Variants in NRG3 observed in about 807,000 individuals in gnomAD.
NRG3 encodes pro-neuregulin-3, membrane-bound isoform.
A neutral mutation model predicts 66.9 loss-of-function variants in NRG3; 31 were observed. The ratio of observed to expected loss-of-function variants is 0.46; its 90% CI spans 0.35 to 0.63. The LOEUF is 0.63. NRG3 is among the 20% of genes least tolerant of loss of function. The probability of loss-of-function intolerance (pLI) is 0.00; values close to 1 mark genes in which losing one functional copy is unlikely to be tolerated. For synonymous variants in NRG3, 393 were observed against 359.4 expected (o/e 1.09, Z -1.06); for missense variants, 910 against 878.9 (o/e 1.04, Z -0.45).
At chr10:82,818,697 G>A (rs551397680) in intron 3 of NRG3, among the ~76,000 whole-genome samples, 24 of 152,082 alleles carry the variant, frequency 1.6e-4, no homozygotes, top group Admixed American at 1.0e-3. Context: ...TTCCAGGGCT[G>A]CACAGATCGA....
intron 4 of NRG3, among the ~76,000 whole-genome samples, chr10:82,939,405 T>G (rs1848371937): frequency 2.0e-5 from 3 of 152,168 alleles, no homozygotes. Flanking sequence ...AACATTATTA[T>G]AAAGTAATTA....
intron 3 of NRG3, among the ~76,000 whole-genome samples, chr10:82,748,534 C>T (rs2058733483): frequency 6.6e-6 from 1 of 150,828 alleles, no homozygotes; most frequent in Non-Finnish European, 1.5e-5. Context: ...TAGGATTGCA[C>T]AATTTTTTCA....
At chr10:82,104,712 T>TA (rs2066955230) in intron 1 of NRG3, among the ~76,000 whole-genome samples, 1 of 151,966 alleles carries the variant, frequency 6.6e-6, no homozygotes, top group Non-Finnish European at 1.5e-5. Context: ...TAGTATGTGT[T>TA]ATACGATTGC....
intron 2 of NRG3, among the ~76,000 whole-genome samples, chr10:82,428,944 A>G (rs978673661): frequency 2.0e-5 from 3 of 151,954 alleles, no homozygotes; most frequent in Non-Finnish European, 4.4e-5. Context: ...GATACATTAA[A>G]AATTTATCAT....
chr10:82,398,849 A>G (rs1342624179), intron 2 of NRG3, among the ~76,000 whole-genome samples: 1 of 152,108 alleles, frequency 6.6e-6, no homozygotes, highest in East Asian at 1.9e-4. Context: ...AGGCAGAAGG[A>G]ATCAGCTTGA....
chr10:82,383,909 C>T (rs2085798781), intron 2 of NRG3, among the ~76,000 whole-genome samples: 1 of 151,792 alleles, frequency 6.6e-6, no homozygotes, highest in Admixed American at 6.6e-5. Context: ...ATATGTTTCT[C>T]ATTCTTTTAT....
chr10:82,483,156 G>C (rs1440335601), intron 2 of NRG3, among the ~76,000 whole-genome samples: 1 of 152,194 alleles, frequency 6.6e-6, no homozygotes, highest in Non-Finnish European at 1.5e-5. Flanking sequence ...CTCCCTACTT[G>C]TCCATGCAGA....
At chr10:82,290,758 C>T (rs1280064783) in intron 1 of NRG3, among the ~76,000 whole-genome samples, 2 of 151,602 alleles carry the variant, frequency 1.3e-5, no homozygotes, top group East Asian at 2.0e-4. Flanking sequence ...CTCAGCCTCC[C>T]GAGTAGCTGG....
chr10:82,551,246 T>C (rs1252253951), intron 2 of NRG3, among the ~76,000 whole-genome samples: 1 of 152,154 alleles, frequency 6.6e-6, no homozygotes, highest in Non-Finnish European at 1.5e-5. Context: ...ACAATACCAC[T>C]TTTGGTATAG....
At chr10:82,664,510 C>T (rs754719261) in intron 2 of NRG3, among the ~76,000 whole-genome samples, 5 of 151,960 alleles carry the variant, frequency 3.3e-5, no homozygotes, top group Admixed American at 1.3e-4. Flanking sequence ...TAATTATTGC[C>T]GGGAATGTGT....
chr10:82,558,542 G>C (rs752833363), intron 2 of NRG3, among the ~76,000 whole-genome samples: 6 of 152,128 alleles, frequency 3.9e-5, no homozygotes, highest in Admixed American at 6.6e-5. Flanking sequence ...AACTGAGGGG[G>C]TTCCTCGATT....
chr10:82,587,527 A>G (rs1444597315), intron 2 of NRG3, among the ~76,000 whole-genome samples: 1 of 152,244 alleles, frequency 6.6e-6, no homozygotes, highest in African/African-American at 2.4e-5. Flanking sequence ...GTAGTCTCTT[A>G]GAAATTCATC....
At chr10:81,975,561 C>A (rs2060094430) in intron 1 of NRG3, among the ~76,000 whole-genome samples, 1 of 151,912 alleles carries the variant, frequency 6.6e-6, no homozygotes, top group African/African-American at 2.4e-5. Flanking sequence ...AGGCAGGCCA[C>A]AAATTAAAGT....
chr10:82,747,742 A>T (rs975513570), intron 3 of NRG3, among the ~76,000 whole-genome samples: 1 of 151,738 alleles, frequency 6.6e-6, no homozygotes, highest in Non-Finnish European at 1.5e-5. Context: ...CTATCATATA[A>T]TTTTTCCAGA....
At chr10:82,384,212 G>T (rs1001770708) in intron 2 of NRG3, among the ~76,000 whole-genome samples, 1 of 150,906 alleles carries the variant, frequency 6.6e-6, no homozygotes, top group African/African-American at 2.4e-5. Flanking sequence ...AAGTTGTTTG[G>T]GTTTTTCTTT....
intron 3 of NRG3, among the ~76,000 whole-genome samples, chr10:82,781,230 G>C (rs953711545): frequency 6.6e-6 from 1 of 152,118 alleles, no homozygotes; most frequent in Admixed American, 6.5e-5. Context: ...TGTACGTAGA[G>C]GAGAGGAACA....
At chr10:82,301,627 T>G (rs2134778845) in intron 1 of NRG3, among the ~76,000 whole-genome samples, 1 of 150,774 alleles carries the variant, frequency 6.6e-6, no homozygotes, top group Non-Finnish European at 1.5e-5. Flanking sequence ...CTTTGCATTT[T>G]TTGATTTATA....
intron 3 of NRG3, among the ~76,000 whole-genome samples, chr10:82,764,169 G>A (rs2059425971): frequency 1.3e-5 from 2 of 152,026 alleles, no homozygotes; most frequent in African/African-American, 4.8e-5. Flanking sequence ...TGAGCACCTG[G>A]GAATACAGGC....
At chr10:82,543,127 G>T (rs972833441) in intron 2 of NRG3, among the ~76,000 whole-genome samples, 8 of 152,028 alleles carry the variant, frequency 5.3e-5, no homozygotes, top group African/African-American at 1.9e-4. Flanking sequence ...CCTGACCTCA[G>T]GTGGTCCACC....
Sources: gnomAD v4.1 joint callset for allele counts (sites outside exome capture counted in the v4.1 genomes callset) on GRCh38, gnomAD v4.1.1 for gene constraint, MANE v1.5 for transcripts, NCBI Gene and HGNC (gene_info 2026-07-23, HGNC 2026-07-21) for gene names.